GALK2: variants seen among roughly 807,000 people sequenced by gnomAD.
GALK2 encodes the protein galactokinase 2, also known as N-acetylgalactosamine kinase.
Under a neutral mutation model 52.4 loss-of-function variants are expected in GALK2, and 36 were observed. The ratio of observed to expected loss-of-function variants is 0.69; its 90% CI spans 0.53 to 0.91. The LOEUF (loss-of-function observed/expected upper bound fraction) is 0.91, where lower values mean the gene tolerates loss of function less well. GALK2 is among the 40% of genes least tolerant of loss of function. The pLI is 0.00. For missense variants in GALK2, 579 were observed against 559.1 expected, an observed-to-expected ratio of 1.04 and a Z score of -0.36; for synonymous variants, 176 against 199.1, an observed-to-expected ratio of 0.88 and a Z score of 0.98.
intron 9 of GALK2, among the ~76,000 whole-genome samples, chr15:49,325,219 C>G (rs1173673041): frequency 6.6e-6 from 1 of 152,216 alleles, no homozygotes; most frequent in Non-Finnish European, 1.5e-5. Flanking sequence ...CTCATCTGCC[C>G]TAGCCTTTGC....
intron 3 of GALK2, among the ~76,000 whole-genome samples, chr15:49,351,094 T>C (rs1424949350): frequency 1.3e-5 from 2 of 152,210 alleles, no homozygotes; most frequent in African/African-American, 2.4e-5. Flanking sequence ...TTCTTTCCTA[T>C]ATAAACTATC....
intron 1 of GALK2, chr15:49,170,602 T>G (rs1198872741): frequency 1.9e-6 from 1 of 533,770 alleles, no homozygotes; most frequent in Non-Finnish European, 3.4e-6. Context: ...TCTTCATCCA[T>G]GCAGATTCTT....
chr15:49,164,311 T>C (rs1434639071), intron 1 of GALK2, among the ~76,000 whole-genome samples: 1 of 151,404 alleles, frequency 6.6e-6, no homozygotes, highest in African/African-American at 2.4e-5. Flanking sequence ...GATGCAGTTA[T>C]GTCAGTCACT....
intron 3 of GALK2, among the ~76,000 whole-genome samples, chr15:49,346,017 C>G (rs2041431540): frequency 6.6e-6 from 1 of 151,532 alleles, no homozygotes; most frequent in South Asian, 2.1e-4. Context: ...TCAGGTCTGC[C>G]TGCCCTGCTT....
At chr15:49,198,882 A>C in intron 1 of GALK2, 1 of 106,766 alleles carries the variant, frequency 9.4e-6, no homozygotes, top group African/African-American at 3.7e-5. Flanking sequence ...TTCCTCTTTC[A>C]TTCTTTCCTT....
intron 2 of GALK2, among the ~76,000 whole-genome samples, chr15:49,209,345 T>C (rs969185306): frequency 6.6e-6 from 1 of 152,204 alleles, no homozygotes; most frequent in African/African-American, 2.4e-5. Flanking sequence ...CTGATTGCTC[T>C]GGCTCAGACT....
chr15:49,209,526 A>C (rs1445029459), intron 2 of GALK2, among the ~76,000 whole-genome samples: 2 of 152,150 alleles, frequency 1.3e-5, no homozygotes, highest in Non-Finnish European at 2.9e-5. Context: ...TAGTATGTTA[A>C]GAGTTTTTAT....
At chr15:49,205,813 A>T (rs887898963) in intron 2 of GALK2, among the ~76,000 whole-genome samples, 2 of 152,152 alleles carry the variant, frequency 1.3e-5, no homozygotes, top group African/African-American at 4.8e-5. Context: ...GCCTAAGCCA[A>T]TGTCTAGAAG....
In GALK2 at chr15:49,159,450, G is replaced by A. The variant is rs150917634; in HGVS notation, c.20+3434G>A. ...AAAAAAATTATCCAGGCATGGTGGCGGGTGCCTGTAATTCCAGCTGGAGGC... is the reference window on the plus strand; with the variant it reads ...AAAAAAATTATCCAGGCATGGTGGCAGGTGCCTGTAATTCCAGCTGGAGGC... On this transcript the variant is annotated intron_variant, in intron 1 of 9. Transcript: ENST00000327171. Among the ~76,000 whole-genome samples, 407 of 151,764 alleles carry A rather than the reference G, an allele frequency of 2.7e-3. 5 individuals carry two copies. The highest frequency in any genetic ancestry group is 9.1e-3 in the African/African-American group (375 of 41,382).
At chr15:49,234,219 A>G (rs1184470204) in intron 3 of GALK2, among the ~76,000 whole-genome samples, 1 of 152,068 alleles carries the variant, frequency 6.6e-6, no homozygotes, top group Non-Finnish European at 1.5e-5. Flanking sequence ...TTATCTGCCT[A>G]TTTTTCATTT....
chr15:49,249,890 T>G (rs1401056713), intron 5 of GALK2, among the ~76,000 whole-genome samples: 1 of 152,206 alleles, frequency 6.6e-6, no homozygotes, highest in African/African-American at 2.4e-5. Flanking sequence ...TTTTTACCTT[T>G]CTCAGCATTC....
chr15:49,224,602 GT>G (rs1201851850), intron 3 of GALK2, among the ~76,000 whole-genome samples: 2 of 152,148 alleles, frequency 1.3e-5, no homozygotes, highest in African/African-American at 4.8e-5. Flanking sequence ...TTCATTGCTT[GT>G]TTTTGTTGAC....
chr15:49,341,072 A>G (rs890938496), intron 3 of GALK2, among the ~76,000 whole-genome samples: 2 of 152,040 alleles, frequency 1.3e-5, no homozygotes, highest in African/African-American at 4.8e-5. Context: ...TCACATAGTT[A>G]TAGGTGTGTG....
At chr15:49,315,583 A>G (rs988508810) in intron 8 of GALK2, among the ~76,000 whole-genome samples, 1 of 152,196 alleles carries the variant, frequency 6.6e-6, no homozygotes, top group Admixed American at 6.6e-5. Context: ...GTGGTCTCCA[A>G]ATCTGTTGTA....
chr15:49,316,989 CAG>C (rs2036474652), intron 8 of GALK2, among the ~76,000 whole-genome samples: 2 of 152,130 alleles, frequency 1.3e-5, no homozygotes. Flanking sequence ...TGGAAAAGGG[CAG>C]AGAGTAGGAC....
intron 8 of GALK2, among the ~76,000 whole-genome samples, chr15:49,307,428 A>T (rs1445234981): frequency 6.6e-6 from 1 of 152,162 alleles, no homozygotes; most frequent in Non-Finnish European, 1.5e-5. Context: ...GAAGTTTGTT[A>T]TGGTATGTAT....
At chr15:49,208,041 G>A (rs1486632282) in intron 2 of GALK2, among the ~76,000 whole-genome samples, 2 of 152,136 alleles carry the variant, frequency 1.3e-5, no homozygotes, top group Non-Finnish European at 2.9e-5. Flanking sequence ...CCAAAGTGCT[G>A]GGATTACAGG....
intron 5 of GALK2, among the ~76,000 whole-genome samples, chr15:49,254,181 AT>A (rs1346941171): frequency 7.0e-6 from 1 of 143,824 alleles, no homozygotes. Flanking sequence ...TAAAGCAGCC[AT>A]TTTCCCCTAG....
chr15:49,260,161 C>T (rs1245909998), intron 5 of GALK2, among the ~76,000 whole-genome samples: 5 of 152,198 alleles, frequency 3.3e-5, no homozygotes, highest in African/African-American at 4.8e-5. Flanking sequence ...GCCACACAGA[C>T]TTCCACAAGG....
Sources: gnomAD v4.1 joint callset for allele counts (sites outside exome capture counted in the v4.1 genomes callset) on GRCh38, gnomAD v4.1.1 for gene constraint, MANE v1.5 for transcripts, NCBI Gene and HGNC (gene_info 2026-07-23, HGNC 2026-07-21) for gene names.